The following LMBR1 variants were observed in gnomAD, a reference collection of about 807,000 sequenced individuals.
LMBR1 encodes limb development membrane protein 1.
Under a neutral mutation model 73.9 loss-of-function variants are expected in LMBR1, and 52 were observed. The observed-to-expected ratio is 0.70, with a 90% CI of 0.56 to 0.89. LMBR1 has a LOEUF of 0.89. LMBR1 is among the 40% of genes least tolerant of loss of function. The pLI, the probability that LMBR1 is intolerant of heterozygous loss-of-function variation, is 0.00. For synonymous variants in LMBR1, 215 were observed against 209.4 expected (o/e 1.03, Z -0.23); for missense variants, 539 against 579.8 (o/e 0.93, Z 0.72).
At chr7:156,858,253 C>G (rs1797250390) in intron 1 of LMBR1, among the ~76,000 whole-genome samples, 1 of 151,908 alleles carries the variant, frequency 6.6e-6, no homozygotes, top group Non-Finnish European at 1.5e-5. Context: ...GAAAAAGGGG[C>G]CATTACTCCT....
chr7:156,724,442 T>C (rs1049497050), intron 14 of LMBR1, among the ~76,000 whole-genome samples: 8 of 152,304 alleles, frequency 5.3e-5, no homozygotes, highest in Non-Finnish European at 1.0e-4. Context: ...ACCTAGATAA[T>C]GCACTTTACA....
At position 156,756,391 on chromosome 7, in the gene LMBR1, AC is replaced by A; in HGVS notation, c.757+1del. 7.3e-7 allele frequency: 1 copy of A among 1,370,894 alleles called. No individual in the cohort carries two copies. Among genetic ancestry groups the A allele is most frequent in the Non-Finnish European group, 1.0e-6 (1 of 966,818 alleles). The allele number at this position is 1,370,894 out of a possible 1,614,324, so 84.9% of individuals were successfully genotyped here. A position where few individuals can be genotyped will look rare whatever the true frequency, so the allele number is the denominator to read the frequency against. On this transcript the variant is annotated splice_donor_variant, in intron 9 of 16. Coordinates refer to ENST00000353442, the MANE Select transcript of LMBR1 (RefSeq NM_022458.4). LOFTEE classifies it high-confidence loss of function. ...CCGTCTAAATATGTAATATAAACATACCATTTAGTCGTCTCTGGAGTGCTTC... is the reference window on the plus strand; with the variant it reads ...CCGTCTAAATATGTAATATAAACATACATTTAGTCGTCTCTGGAGTGCTTC...
At chr7:156,718,243 T>C (rs1387794389) in intron 15 of LMBR1, among the ~76,000 whole-genome samples, 1 of 149,612 alleles carries the variant, frequency 6.7e-6, no homozygotes, top group Non-Finnish European at 1.5e-5. Context: ...CTACTAAAAA[T>C]ACAAAAATTA....
intron 8 of LMBR1, among the ~76,000 whole-genome samples, chr7:156,758,522 A>G (rs1822349470): frequency 6.6e-6 from 1 of 152,142 alleles, no homozygotes; most frequent in Non-Finnish European, 1.5e-5. Flanking sequence ...TGGATCTCTC[A>G]TGAATAACCG....
At chr7:156,889,209 C>T (rs1802469440) in intron 1 of LMBR1, among the ~76,000 whole-genome samples, 1 of 152,148 alleles carries the variant, frequency 6.6e-6, no homozygotes, top group African/African-American at 2.4e-5. Flanking sequence ...GAACCAGCAG[C>T]TGGAGAGAGT....
chr7:156,875,375 A>G (rs956025458), intron 1 of LMBR1, among the ~76,000 whole-genome samples: 2 of 152,232 alleles, frequency 1.3e-5, no homozygotes, highest in African/African-American at 4.8e-5. Flanking sequence ...AGAGAAATCT[A>G]AAAGTTTGGA....
intron 4 of LMBR1, among the ~76,000 whole-genome samples, chr7:156,802,691 TCAC>T (rs1221310520): frequency 6.6e-6 from 1 of 152,154 alleles, no homozygotes; most frequent in Admixed American, 6.5e-5. Context: ...AATGACACCA[TCAC>T]CACAATTAAG....
intron 9 of LMBR1, among the ~76,000 whole-genome samples, chr7:156,734,570 A>G (rs1172255718): frequency 6.6e-6 from 1 of 152,222 alleles, no homozygotes; most frequent in African/African-American, 2.4e-5. Context: ...TGATGGGTAC[A>G]TTAAAATCTC....
At chr7:156,762,846 A>AGAGTGTGTGTGTGT (rs371734470) in intron 7 of LMBR1, among the ~76,000 whole-genome samples, 12 of 148,628 alleles carry the variant, frequency 8.1e-5, no homozygotes, top group African/African-American at 3.0e-4. Flanking sequence ...TGTGAGTGTG[A>AGAGTGTGTGTGTGT]GTGTGTGTGT....
chr7:156,710,101 T>TTCA (rs1811771919), intron 15 of LMBR1, among the ~76,000 whole-genome samples: 1 of 151,744 alleles, frequency 6.6e-6, no homozygotes, highest in Non-Finnish European at 1.5e-5. Flanking sequence ...GAGACGGGGT[T>TTCA]TCACCATGTC....
intron 4 of LMBR1, among the ~76,000 whole-genome samples, chr7:156,798,479 G>C (rs1039767656): frequency 1.3e-5 from 2 of 152,076 alleles, no homozygotes; most frequent in Non-Finnish European, 2.9e-5. Flanking sequence ...AACAGCCTAT[G>C]GGTAAAGGTA....
At position 156,781,953 on chromosome 7, in the gene LMBR1, A is replaced by G. The variant is rs140791810; in HGVS notation, c.423+14436T>C. ...TCCAGAATGCTTTTCATATTCACCA[A>G]CTGAAACTCTGTACCCATTAAACAA... On this transcript the variant is annotated intron_variant, in intron 5 of 16. Transcript: ENST00000353442. 2.0e-3 allele frequency among the ~76,000 whole-genome samples: 311 copies of G among 152,324 alleles called. 2 individuals are homozygous for G. The highest frequency in any genetic ancestry group is 1.1e-3 in the Non-Finnish European group (73 of 68,018).
chr7:156,808,394 A>T (rs1439522989), intron 4 of LMBR1, among the ~76,000 whole-genome samples: 3 of 152,144 alleles, frequency 2.0e-5, no homozygotes. Context: ...ATAATCATAT[A>T]GCCACTCCAA....
At chr7:156,853,970 T>TA (rs202144239) in intron 1 of LMBR1, among the ~76,000 whole-genome samples, 62,863 of 134,852 alleles carry the variant, frequency 0.47, 13,800 homozygotes, top group East Asian at 0.62. Flanking sequence ...AGAATAAAAT[T>TA]AAAAAAAAAA....
At chr7:156,806,530 A>G (rs1832114522) in intron 4 of LMBR1, among the ~76,000 whole-genome samples, 1 of 146,426 alleles carries the variant, frequency 6.8e-6, no homozygotes, top group South Asian at 2.2e-4. Context: ...CTTGTTCCTG[A>G]TCTCAGGGGG....
chr7:156,787,726 T>C (rs766375680), intron 5 of LMBR1, among the ~76,000 whole-genome samples: 1 of 152,226 alleles, frequency 6.6e-6, no homozygotes, highest in South Asian at 2.1e-4. Flanking sequence ...TAACATTCCA[T>C]GTCTAAGTTG....
Position 156,688,824 on chromosome 7 carries a change from T to G in LMBR1, c.1226-633A>C, listed in dbSNP as rs144195542. On this transcript the variant is annotated intron_variant, in intron 15 of 16. Coordinates refer to ENST00000353442, the MANE Select transcript of LMBR1 (RefSeq NM_022458.4). ...TTATTGCCTGTTTTCCCCACTAGAA[T>G]GTAGGTTCTATAAGAACAGGAACTT... is the stretch of plus-strand genomic sequence containing the variant. 4.6e-5 allele frequency among the ~76,000 whole-genome samples: 7 copies of G among 152,290 alleles called. No homozygotes were observed. In the East Asian group the frequency reaches 1.3e-3, roughly 29 times the overall value.
intron 9 of LMBR1, among the ~76,000 whole-genome samples, chr7:156,754,209 T>TA (rs529578917): frequency 3.9e-4 from 60 of 152,284 alleles, no homozygotes; most frequent in African/African-American, 1.3e-3. Flanking sequence ...AACCTCCCAA[T>TA]AGCTTTATGC....
At chr7:156,709,882 A>AATTCAGAAG (rs1433718931) in intron 15 of LMBR1, among the ~76,000 whole-genome samples, 1 of 149,940 alleles carries the variant, frequency 6.7e-6, no homozygotes, top group African/African-American at 2.5e-5. Flanking sequence ...CCAGTTAAAG[A>AATTCAGAAG]ATTCAGAAGG....
Sources: gnomAD v4.1 joint callset for allele counts (sites outside exome capture counted in the v4.1 genomes callset) on GRCh38, gnomAD v4.1.1 for gene constraint, MANE v1.5 for transcripts, NCBI Gene and HGNC (gene_info 2026-07-23, HGNC 2026-07-21) for gene names.